The following REC114 variants were observed in gnomAD, a reference collection of about 807,000 sequenced individuals.
The protein encoded by REC114 is REC114 meiotic recombination protein.
Under a neutral mutation model 31.3 loss-of-function variants are expected in REC114, and 27 were observed. That is an observed-to-expected ratio of 0.86 (90% CI 0.64 to 1.19). The LOEUF (loss-of-function observed/expected upper bound fraction) is 1.19. REC114 is among the 50% of genes most tolerant of loss of function. The probability of loss-of-function intolerance (pLI) is 0.00; values close to 1 mark genes in which losing one functional copy is unlikely to be tolerated. For synonymous variants in REC114, 134 were observed against 127.7 expected (o/e 1.05, Z -0.33); for missense variants, 344 against 326.9 (o/e 1.05, Z -0.40).
At chr15:73,486,658 T>C (rs976091302) in intron 2 of REC114, among the ~76,000 whole-genome samples, 6 of 152,196 alleles carry the variant, frequency 3.9e-5, no homozygotes, top group African/African-American at 1.4e-4. Context: ...GTCTGAGGTA[T>C]CTCTACTTCC....
chr15:73,518,797 A>G (rs891742173), intron 2 of REC114, among the ~76,000 whole-genome samples: 12 of 152,228 alleles, frequency 7.9e-5, no homozygotes, highest in African/African-American at 2.9e-4. Flanking sequence ...TATACTTTAT[A>G]GGTAATCTTT....
At chr15:73,461,600 T>G (rs572500448) in intron 1 of REC114, among the ~76,000 whole-genome samples, 69 of 152,336 alleles carry the variant, frequency 4.5e-4, no homozygotes, top group Non-Finnish European at 9.0e-4. Context: ...CTTATAGTAC[T>G]GACTTGCACA....
intron 2 of REC114, among the ~76,000 whole-genome samples, chr15:73,485,638 C>T (rs1036803528): frequency 2.0e-5 from 3 of 152,194 alleles, no homozygotes; most frequent in African/African-American, 7.2e-5. Flanking sequence ...TGCTCCTGCT[C>T]TTGCCATGAG....
intron 2 of REC114, among the ~76,000 whole-genome samples, chr15:73,525,572 T>C (rs1458356870): frequency 6.6e-6 from 1 of 151,182 alleles, no homozygotes; most frequent in East Asian, 1.9e-4. Flanking sequence ...TATTCTGTGA[T>C]TTTTTTTTAC....
chr15:73,462,713 A>G (rs965563352), intron 1 of REC114, among the ~76,000 whole-genome samples: 2 of 151,976 alleles, frequency 1.3e-5, no homozygotes, highest in Non-Finnish European at 2.9e-5. Context: ...GTGAAACCGC[A>G]TCTCCACTAA....
At chr15:73,519,618 C>T (rs987298210) in intron 2 of REC114, among the ~76,000 whole-genome samples, 4 of 152,174 alleles carry the variant, frequency 2.6e-5, no homozygotes, top group African/African-American at 9.7e-5. Context: ...TCAGCAATCC[C>T]ACTTCTGCAT....
chr15:73,503,973 T>C (rs1397184515), intron 2 of REC114, among the ~76,000 whole-genome samples: 2 of 151,498 alleles, frequency 1.3e-5, no homozygotes, highest in Non-Finnish European at 1.5e-5. Context: ...TATGCTTTTA[T>C]ATCTTAGAAA....
At chr15:73,525,990 T>G (rs1242455276) in intron 2 of REC114, among the ~76,000 whole-genome samples, 1 of 152,182 alleles carries the variant, frequency 6.6e-6, no homozygotes, top group African/African-American at 2.4e-5. Flanking sequence ...AGTTTTTGCT[T>G]CATGTATTTT....
intron 1 of REC114, among the ~76,000 whole-genome samples, chr15:73,469,577 G>C (rs1893105633): frequency 1.3e-5 from 2 of 151,144 alleles, no homozygotes; most frequent in East Asian, 2.0e-4. Context: ...CTACAGGCGT[G>C]TACCACCGTG....
At chr15:73,518,250 T>A (rs910801847) in intron 2 of REC114, among the ~76,000 whole-genome samples, 66 of 152,172 alleles carry the variant, frequency 4.3e-4, no homozygotes, top group African/African-American at 1.5e-3. Context: ...ACAAAGTAAA[T>A]AACTTATTCC....
chr15:73,470,271 C>A (rs1037739236), intron 1 of REC114, among the ~76,000 whole-genome samples: 7 of 151,888 alleles, frequency 4.6e-5, no homozygotes, highest in Non-Finnish European at 8.8e-5. Context: ...CAATATAATC[C>A]CATTTATCAG....
Position 73,453,502 on chromosome 15 carries a change from C to A in REC114, c.159+10158C>A, listed in dbSNP as rs545095027. On this transcript the variant is annotated intron_variant, in intron 1 of 5. Coordinates refer to ENST00000331090, the MANE Select transcript of REC114 (RefSeq NM_001042367.2). ...TGGAGAGGATGTGGAGAAATAGGAA[C>A]GCTTTTATACTGTTTGTAAGAGTGT... Among the ~76,000 whole-genome samples the A allele has an allele frequency of 2.0e-5, 3 of 152,138 alleles. No homozygotes were observed. In the East Asian group the frequency reaches 5.8e-4, roughly 29 times the overall value.
At chr15:73,529,379 C>G (rs1894046246) in intron 2 of REC114, among the ~76,000 whole-genome samples, 1 of 152,096 alleles carries the variant, frequency 6.6e-6, no homozygotes, top group Non-Finnish European at 1.5e-5. Context: ...ACCTCGTGGT[C>G]CACCTGCCTC....
intron 2 of REC114, among the ~76,000 whole-genome samples, chr15:73,534,973 T>A (rs1455256883): frequency 7.0e-6 from 1 of 142,990 alleles, no homozygotes; most frequent in Admixed American, 7.0e-5. Context: ...TTGACAAAAT[T>A]CACCAACCCT....
intron 2 of REC114, among the ~76,000 whole-genome samples, chr15:73,521,991 TA>T (rs532290065): frequency 1.6e-4 from 25 of 152,214 alleles, no homozygotes; most frequent in Non-Finnish European, 3.1e-4. Flanking sequence ...TGGGTTTCTT[TA>T]AAGTATGCTA....
At chr15:73,478,033 G>T (rs1015005407) in intron 2 of REC114, among the ~76,000 whole-genome samples, 4 of 152,018 alleles carry the variant, frequency 2.6e-5, no homozygotes, top group African/African-American at 9.7e-5. Flanking sequence ...TGAGGCCAAG[G>T]TGGGTGGATC....
At chr15:73,504,433 T>C (rs377053617) in intron 2 of REC114, among the ~76,000 whole-genome samples, 3 of 152,310 alleles carry the variant, frequency 2.0e-5, no homozygotes, top group South Asian at 4.1e-4. Context: ...TCCTACTGAT[T>C]TGGAATGCAA....
At chr15:73,470,760 A>G (rs1392203922) in intron 1 of REC114, among the ~76,000 whole-genome samples, 3 of 152,110 alleles carry the variant, frequency 2.0e-5, no homozygotes, top group Admixed American at 6.5e-5. Flanking sequence ...AACATGGGGG[A>G]GTTTTCAGAT....
chr15:73,547,469 T>TA (rs1439807322), intron 3 of REC114, among the ~76,000 whole-genome samples: 9 of 152,106 alleles, frequency 5.9e-5, no homozygotes, highest in Admixed American at 3.9e-4. Context: ...GTACAACCAT[T>TA]ATGGAGAACA....
Sources: gnomAD v4.1 joint callset for allele counts (sites outside exome capture counted in the v4.1 genomes callset) on GRCh38, gnomAD v4.1.1 for gene constraint, MANE v1.5 for transcripts, NCBI Gene and HGNC (gene_info 2026-07-23, HGNC 2026-07-21) for gene names.